Variants in ACVR1C observed in about 807,000 individuals in gnomAD.
The protein encoded by ACVR1C is activin receptor type-1C.
A neutral mutation model predicts 57.9 loss-of-function variants in ACVR1C; 23 were observed. The observed-to-expected ratio is 0.40, with a 90% CI of 0.29 to 0.56. The LOEUF is 0.56. Among genes scored for constraint, ACVR1C ranks in the 20% least tolerant of loss-of-function variants. ACVR1C has a pLI of 0.50. For synonymous variants in ACVR1C, 214 were observed against 215.3 expected (o/e 0.99, Z 0.05); for missense variants, 480 against 607.9 (o/e 0.79, Z 2.21).
intron 8 of ACVR1C, among the ~76,000 whole-genome samples, chr2:157,537,629 A>C (rs950497674): frequency 6.6e-6 from 1 of 152,160 alleles, no homozygotes; most frequent in Non-Finnish European, 1.5e-5. Context: ...ATATTCCCCA[A>C]AACAAAGCCA....
chr2:157,614,036 T>G (rs1017972707), intron 1 of ACVR1C, among the ~76,000 whole-genome samples: 1 of 152,202 alleles, frequency 6.6e-6, no homozygotes, highest in Non-Finnish European at 1.5e-5. Flanking sequence ...AAAATGAATG[T>G]CTTTAATCTC....
At chr2:157,568,029 C>A (rs1327654080) in intron 2 of ACVR1C, among the ~76,000 whole-genome samples, 1 of 149,642 alleles carries the variant, frequency 6.7e-6, no homozygotes, top group East Asian at 2.0e-4. Context: ...CGGCAGAAAC[C>A]CTACAAGCCA....
chr2:157,576,151 C>T (rs949391327), intron 2 of ACVR1C, among the ~76,000 whole-genome samples: 1 of 151,650 alleles, frequency 6.6e-6, no homozygotes, highest in Admixed American at 6.6e-5. Flanking sequence ...TGATCACAAC[C>T]TTATCCCTTC....
intron 8 of ACVR1C, among the ~76,000 whole-genome samples, chr2:157,537,642 C>T (rs964640770): frequency 2.0e-5 from 3 of 151,942 alleles, no homozygotes; most frequent in African/African-American, 4.8e-5. Flanking sequence ...CAAAGCCAGA[C>T]TAAAAGACAT....
chr2:157,602,589 C>T (rs563030820), intron 1 of ACVR1C, among the ~76,000 whole-genome samples: 1 of 152,186 alleles, frequency 6.6e-6, no homozygotes, highest in South Asian at 2.1e-4. Context: ...TTCTTTAAAA[C>T]TTCCATTAGA....
intron 2 of ACVR1C, among the ~76,000 whole-genome samples, chr2:157,559,732 A>G (rs1231795488): frequency 6.6e-6 from 1 of 152,158 alleles, no homozygotes; most frequent in Non-Finnish European, 1.5e-5. Context: ...ATTGAAGAGG[A>G]TGGGGAAAAT....
intron 2 of ACVR1C, among the ~76,000 whole-genome samples, chr2:157,567,155 C>G (rs1265739417): frequency 1.5e-4 from 12 of 82,576 alleles, no homozygotes; most frequent in Non-Finnish European, 2.0e-4. Context: ...AGCTGAGGGT[C>G]CTGTCTGTTA....
chr2:157,618,538 T>A (rs1381146573), intron 1 of ACVR1C, among the ~76,000 whole-genome samples: 1 of 151,672 alleles, frequency 6.6e-6, no homozygotes, highest in Non-Finnish European at 1.5e-5. Flanking sequence ...AAACATATGC[T>A]CTCTCTATAA....
intron 2 of ACVR1C, among the ~76,000 whole-genome samples, chr2:157,566,721 G>A (rs961895055): frequency 2.0e-5 from 3 of 151,714 alleles, no homozygotes; most frequent in Non-Finnish European, 4.4e-5. Flanking sequence ...CGCCCAGGGA[G>A]TCTCGCTGAT....
At chr2:157,558,523 A>C (rs1688159762) in intron 2 of ACVR1C, among the ~76,000 whole-genome samples, 1 of 152,228 alleles carries the variant, frequency 6.6e-6, no homozygotes. Context: ...ATAGTAGTTT[A>C]TCTATTATCA....
intron 2 of ACVR1C, among the ~76,000 whole-genome samples, chr2:157,563,999 A>C (rs1688302126): frequency 6.6e-6 from 1 of 152,244 alleles, no homozygotes; most frequent in Non-Finnish European, 1.5e-5. Context: ...GTAAAACCAA[A>C]AACCATAAAA....
intron 1 of ACVR1C, among the ~76,000 whole-genome samples, chr2:157,609,847 C>A (rs1682491413): frequency 6.6e-6 from 1 of 151,780 alleles, no homozygotes; most frequent in African/African-American, 2.4e-5. Flanking sequence ...GTATATGGGT[C>A]TTTACTGGTA....
chr2:157,556,242 G>C lies in ACVR1C; in HGVS notation c.395C>G (p.Thr132Arg). Reference protein sequence around the residue: ...VCLLSIAAMLTVWACQGRQCS... With the variant: ...VCLLSIAAMLRVWACQGRQCS... ...CTGTCGACCCTGGCATGCCCATACTGTCAGCATCGCAGCTATGGACAGGAG... is the reference window on the plus strand; with the variant it reads ...CTGTCGACCCTGGCATGCCCATACTCTCAGCATCGCAGCTATGGACAGGAG... The change falls in exon 3 of 9, where the codon ACA becomes AGA. Residue 132 changes from threonine to arginine, a missense_variant. By Grantham distance (71) the Thr-to-Arg change is moderately conservative. Transcript: ENST00000243349. 6.2e-7 allele frequency: 1 copy of C among 1,614,154 alleles called. No homozygotes were observed. The highest frequency in any genetic ancestry group is 8.5e-7 in the Non-Finnish European group (1 of 1,180,030).
At chr2:157,562,486 A>G (rs1270142465) in intron 2 of ACVR1C, among the ~76,000 whole-genome samples, 1 of 145,442 alleles carries the variant, frequency 6.9e-6, no homozygotes, top group East Asian at 2.0e-4. Flanking sequence ...AAATAAAATA[A>G]AATAAAATAA....
intron 1 of ACVR1C, among the ~76,000 whole-genome samples, chr2:157,599,184 A>C (rs1288549726): frequency 4.0e-5 from 6 of 151,866 alleles, no homozygotes; most frequent in Non-Finnish European, 7.4e-5. Context: ...AATACCAAAA[A>C]TTAGCCAGGC....
At chr2:157,598,668 T>C (rs1276906670) in intron 1 of ACVR1C, among the ~76,000 whole-genome samples, 1 of 151,630 alleles carries the variant, frequency 6.6e-6, no homozygotes, top group Non-Finnish European at 1.5e-5. Context: ...GCCTTCCGAG[T>C]AGCTGGGATT....
chr2:157,536,071 C>T (rs905051828), intron 8 of ACVR1C, among the ~76,000 whole-genome samples: 4 of 152,128 alleles, frequency 2.6e-5, no homozygotes, highest in African/African-American at 9.7e-5. Flanking sequence ...GCAAATTAGA[C>T]ATATCTGAAG....
At chr2:157,591,082 C>A (rs1358779455) in intron 1 of ACVR1C, among the ~76,000 whole-genome samples, 1 of 151,990 alleles carries the variant, frequency 6.6e-6, no homozygotes, top group Non-Finnish European at 1.5e-5. Context: ...TTGTCTTATG[C>A]AAACAAGCGA....
intron 1 of ACVR1C, among the ~76,000 whole-genome samples, chr2:157,611,259 A>G (rs1000677067): frequency 1.3e-5 from 2 of 152,160 alleles, no homozygotes; most frequent in African/African-American, 4.8e-5. Context: ...TGCACGCAGT[A>G]CTGTAGTCTC....
Sources: allele counts gnomAD v4.1 joint callset (sites outside exome capture counted in the v4.1 genomes callset), GRCh38; gene constraint gnomAD v4.1.1; transcripts MANE v1.5; gene names NCBI Gene and HGNC (gene_info 2026-07-23, HGNC 2026-07-21).